SEM1: variants seen among roughly 807,000 people sequenced by gnomAD.
The protein encoded by SEM1 is 26S proteasome complex subunit SEM1.
Under a neutral mutation model 12.7 loss-of-function variants are expected in SEM1, and 3 were observed. The observed-to-expected ratio is 0.24, with a 90% CI of 0.11 to 0.61. The LOEUF (loss-of-function observed/expected upper bound fraction) is 0.61. Among genes scored for constraint, SEM1 ranks in the 20% least tolerant of loss-of-function variants. The pLI, the probability that SEM1 is intolerant of heterozygous loss-of-function variation, is 0.88. For synonymous variants in SEM1, 30 were observed against 27.8 expected, an observed-to-expected ratio of 1.08 and a Z score of -0.25; for missense variants, 59 against 81.3, an observed-to-expected ratio of 0.73 and a Z score of 1.06.
chr7:96,670,178 TAAC>T (rs1318095455), downstream of SEM1, among the ~76,000 whole-genome samples: 6 of 152,276 alleles, frequency 3.9e-5, no homozygotes, highest in East Asian at 7.7e-4. Context: ...TACTAATAAA[TAAC>T]AAAATCTATA....
At chr7:96,571,927 G>T (rs536181243) in intron 2 of SEM1, among the ~76,000 whole-genome samples, 1 of 152,116 alleles carries the variant, frequency 6.6e-6, no homozygotes, top group African/African-American at 2.4e-5. Flanking sequence ...GCTTTTTTTG[G>T]TTGGTAGGCT....
intron 2 of SEM1, among the ~76,000 whole-genome samples, chr7:96,602,961 A>T (rs1188922399): frequency 6.6e-6 from 1 of 152,226 alleles, no homozygotes; most frequent in Non-Finnish European, 1.5e-5. Context: ...TAAAGTACTC[A>T]GCTAAATCTG....
intron 2 of SEM1, among the ~76,000 whole-genome samples, chr7:96,666,809 G>C (rs1789184519): frequency 6.6e-6 from 1 of 151,876 alleles, no homozygotes; most frequent in Admixed American, 6.6e-5. Flanking sequence ...AGATGTTCTT[G>C]ATGCAAGGCC....
At chr7:96,620,634 T>G (rs1434457338), downstream of SEM1, among the ~76,000 whole-genome samples, 4 of 152,186 alleles carry the variant, frequency 2.6e-5, no homozygotes, top group South Asian at 8.3e-4. Context: ...CAGCAAGCTG[T>G]CGCAAACTCT....
chr7:96,655,672 C>A (rs1038213145), intron 2 of SEM1, among the ~76,000 whole-genome samples: 6 of 152,102 alleles, frequency 3.9e-5, no homozygotes, highest in Non-Finnish European at 5.9e-5. Flanking sequence ...AATGAACAAA[C>A]CGATCGCTCC....
At chr7:96,628,482 T>G (rs948943060) in intron 2 of SEM1, among the ~76,000 whole-genome samples, 2 of 152,160 alleles carry the variant, frequency 1.3e-5, no homozygotes, top group Admixed American at 1.3e-4. Flanking sequence ...TGATGACAAC[T>G]GAATACTCAT....
chr7:96,659,362 C>T (rs1788908593), intron 2 of SEM1, among the ~76,000 whole-genome samples: 1 of 152,122 alleles, frequency 6.6e-6, no homozygotes, highest in Admixed American at 6.5e-5. Context: ...GACAGAAAAT[C>T]ACTGCCAACT....
In SEM1 at chr7:96,683,035, T is replaced by G. The variant is rs537063672; in HGVS notation, c.171-9176A>C. ...CACCTCATGCCAGTTAGAATGGCGA[T>G]CATTAAAAAGTCAGGAAACAACAGA... On this transcript the variant is annotated intron_variant, in intron 2 of 2. Transcript: ENST00000413065. 2.0e-5 allele frequency among the ~76,000 whole-genome samples: 3 copies of G among 152,040 alleles called. No homozygotes were observed. In the East Asian group the frequency reaches 5.8e-4, roughly 29 times the overall value.
chr7:96,641,629 C>T (rs1392156443), intron 2 of SEM1, among the ~76,000 whole-genome samples: 1 of 152,020 alleles, frequency 6.6e-6, no homozygotes, highest in Non-Finnish European at 1.5e-5. Context: ...CAGATTGTCT[C>T]TTTAAACAAA....
chr7:96,551,917 C>G lies in SEM1; in HGVS notation c.171-45219G>C, dbSNP rs183569244. On this transcript the variant is annotated intron_variant and NMD_transcript_variant, in intron 2 of 3. Transcript: ENST00000466986. Reference sequence around the variant, plus strand: ...ACACATTTATTTCAGACTTCTGGCCCCAAAGCTGTGTGATAGACTATATTT... The same window carrying G: ...ACACATTTATTTCAGACTTCTGGCCGCAAAGCTGTGTGATAGACTATATTT... Among the ~76,000 whole-genome samples, 323 of 152,140 alleles carry G rather than the reference C, an allele frequency of 2.1e-3. 8 individuals carry two copies. Among genetic ancestry groups the G allele is most frequent in the Admixed American group, 0.021 (320 of 15,276 alleles).
chr7:96,549,652 C>T (rs1288357196), intron 2 of SEM1, among the ~76,000 whole-genome samples: 1 of 152,176 alleles, frequency 6.6e-6, no homozygotes, highest in Non-Finnish European at 1.5e-5. Flanking sequence ...GCTCTAGGAC[C>T]TGAGCCATAC....
intron 2 of SEM1, among the ~76,000 whole-genome samples, chr7:96,512,137 C>T (rs1021734755): frequency 2.0e-5 from 3 of 152,094 alleles, no homozygotes; most frequent in East Asian, 1.9e-4. Context: ...ACTGTACCCA[C>T]GACTGCTTCC....
At chr7:96,659,880 T>C (rs537884654) in intron 2 of SEM1, among the ~76,000 whole-genome samples, 2 of 105,572 alleles carry the variant, frequency 1.9e-5, no homozygotes, top group South Asian at 3.0e-4. Context: ...TCAGAGGAAA[T>C]GTGAATCAAA....
At chr7:96,708,070 T>C (rs942678516) in intron 1 of SEM1, 1 of 152,320 alleles carries the variant, frequency 6.6e-6, no homozygotes, top group East Asian at 1.9e-4. Context: ...GCAAATAAAG[T>C]GCCTAACATT....
At chr7:96,484,043 T>C (rs1340560498) in intron 3 of SEM1, 3 of 1,412,922 alleles carry the variant, frequency 2.1e-6, no homozygotes, top group Non-Finnish European at 2.8e-6. Context: ...TTACACTTCA[T>C]GCATATTAAC....
chr7:96,533,018 A>G (rs1345948715), intron 2 of SEM1, among the ~76,000 whole-genome samples: 1 of 152,102 alleles, frequency 6.6e-6, no homozygotes, highest in Non-Finnish European at 1.5e-5. Context: ...ACATCCAGAA[A>G]TGCACAATAT....
At position 96,639,007 on chromosome 7, in the gene SEM1, T is replaced by C. The variant is rs188042290; in HGVS notation, c.171-16364A>G. ...CCCATATAATTTATTCTTGTGAAAA[T>C]TGAATGAATATATGAGCAGATCTTA... On this transcript the variant is annotated intron_variant, in intron 2 of 2. Transcript: ENST00000417009. Among the ~76,000 whole-genome samples the C allele has an allele frequency of 1.1e-4, 17 of 152,058 alleles. No individual in the cohort carries two copies. The East Asian group carries it at 3.3e-3, about 29-fold the overall frequency.
Position 96,608,212 on chromosome 7 carries a change from A to G in SEM1, c.170+86586T>C, listed in dbSNP as rs191137450. On this transcript the variant is annotated intron_variant and NMD_transcript_variant, in intron 2 of 3. Transcript: ENST00000466986. ...AAGAAGGAAAGGACATGTTGAGCCC[A>G]GGGAAGTACATAAGCAGAGGAATGG... 3.8e-3 allele frequency among the ~76,000 whole-genome samples: 580 copies of G among 152,294 alleles called. 1 individual carries two copies. Among genetic ancestry groups the G allele is most frequent in the Admixed American group, 6.1e-3 (94 of 15,298 alleles).
chr7:96,694,905 C>G lies in SEM1; in HGVS notation c.77-14G>C, dbSNP rs372136333. On this transcript the variant is annotated splice_polypyrimidine_tract_variant and intron_variant, in intron 1 of 2. Transcript: ENST00000248566. ...AGCCAGCCCAGTCTAAAAATAGAAACAGATGCTGTCTAAATATTTCTCATA... is the reference window on the plus strand; with the variant it reads ...AGCCAGCCCAGTCTAAAAATAGAAAGAGATGCTGTCTAAATATTTCTCATA... The G allele has an allele frequency of 9.7e-6, 15 of 1,551,124 alleles. No homozygotes were observed. Among genetic ancestry groups the G allele is most frequent in the Non-Finnish European group, 1.3e-5 (15 of 1,125,038 alleles).
Sources: gnomAD v4.1 joint callset for allele counts (sites outside exome capture counted in the v4.1 genomes callset) on GRCh38, gnomAD v4.1.1 for gene constraint, MANE v1.5 for transcripts, NCBI Gene and HGNC (gene_info 2026-07-23, HGNC 2026-07-21) for gene names.